The following PSG2 variants were observed in gnomAD, a reference collection of about 807,000 sequenced individuals.
The protein encoded by PSG2 is pregnancy specific beta-1-glycoprotein 2, also known as pregnancy-specific beta-1-glycoprotein 2.
A neutral mutation model predicts 36.2 loss-of-function variants in PSG2; 49 were observed. The ratio of observed to expected loss-of-function variants is 1.35; its 90% CI spans 1.08 to 1.72. PSG2 has a LOEUF of 1.72. Ranked by LOEUF, PSG2 falls within the 40% of genes most tolerant of loss-of-function variation. The pLI, the probability that PSG2 is intolerant of heterozygous loss-of-function variation, is 0.00. For synonymous variants in PSG2, 261 were observed against 155.6 expected, an observed-to-expected ratio of 1.68 and a Z score of -5.04; for missense variants, 605 against 407.2, an observed-to-expected ratio of 1.49 and a Z score of -4.18.
At chr19:43,073,434 C>G (rs4480914) in intron 3 of PSG2, among the ~76,000 whole-genome samples, 24 of 151,268 alleles carry the variant, frequency 1.6e-4, no homozygotes, top group Non-Finnish European at 3.1e-4. Context: ...GAAATACATG[C>G]GGACATTTGC....
intron 3 of PSG2, among the ~76,000 whole-genome samples, chr19:43,073,118 G>T (rs111720083): frequency 9.2e-5 from 14 of 151,926 alleles, no homozygotes; most frequent in South Asian, 6.2e-4. Context: ...ATACTGAGCA[G>T]CCTGGCCTGG....
chr19:43,068,304 T>G (rs1284653143), intron 4 of PSG2, among the ~76,000 whole-genome samples: 1 of 151,346 alleles, frequency 6.6e-6, no homozygotes, highest in Non-Finnish European at 1.5e-5. Context: ...CTGGGCATGT[T>G]GACATGCACC....
At chr19:43,066,369 G>A (rs1169236471) in intron 5 of PSG2, 148 bp downstream of exon 5, 3 of 653,228 alleles carry the variant, frequency 4.6e-6, no homozygotes, top group South Asian at 3.5e-5. Context: ...AGGGAGAAAG[G>A]GAACTGCAGG....
chr19:43,072,604 G>C, intron 3 of PSG2: 2 of 1,611,550 alleles, frequency 1.2e-6, no homozygotes. Context: ...AGTTGTTGAT[G>C]GTGATTTAGG....
chr19:43,069,709 G>C (rs533121516), intron 4 of PSG2, among the ~76,000 whole-genome samples: 1 of 151,674 alleles, frequency 6.6e-6, no homozygotes, highest in South Asian at 2.1e-4. Context: ...ACCCATAATA[G>C]ATCAAAGATC....
Position 43,077,312 on chromosome 19 carries a change from A to G in PSG2, c.431-1680T>C, listed in dbSNP as rs200206855. On this transcript the variant is annotated intron_variant, in intron 2 of 5. Coordinates refer to ENST00000406487, the MANE Select transcript of PSG2 (RefSeq NM_031246.4). ...TTAAAAGGACAGAACTGGTCAGTGC[A>G]TCAATTACATAAAGGGAGGAAGGAT... Among the ~76,000 whole-genome samples, 18 of 151,272 alleles carry G rather than the reference A, an allele frequency of 1.2e-4. 1 individual carries two copies. The highest frequency in any genetic ancestry group is 2.0e-4 in the African/African-American group (8 of 40,716).
intron 2 of PSG2, among the ~76,000 whole-genome samples, chr19:43,076,861 T>C (rs1255484947): frequency 1.3e-5 from 2 of 151,646 alleles, no homozygotes; most frequent in Non-Finnish European, 2.9e-5. Flanking sequence ...GTATATGTAC[T>C]GGTTTAGCAT....
chr19:43,072,896 G>C (rs1967839870), intron 3 of PSG2, among the ~76,000 whole-genome samples: 1 of 151,734 alleles, frequency 6.6e-6, no homozygotes, highest in Admixed American at 6.6e-5. Flanking sequence ...GTCAGTGGGA[G>C]TCACAGCCCC....
intron 1 of PSG2, chr19:43,082,124 T>TC (rs1967988226): frequency 4.9e-5 from 1 of 20,280 alleles, no homozygotes; most frequent in Non-Finnish European, 7.6e-5. Flanking sequence ...TCTTCTCTCT[T>TC]TTTTTTTTTT....
At chr19:43,070,337 T>A (rs1967798407) in intron 4 of PSG2, among the ~76,000 whole-genome samples, 1 of 151,656 alleles carries the variant, frequency 6.6e-6, no homozygotes, top group African/African-American at 2.4e-5. Context: ...ATCCAGCAAT[T>A]CCACTTCTGG....
chr19:43,077,022 T>C (rs1390975804), intron 2 of PSG2, among the ~76,000 whole-genome samples: 1 of 151,574 alleles, frequency 6.6e-6, no homozygotes, highest in African/African-American at 2.4e-5. Flanking sequence ...AATTTTCCCA[T>C]AAAAAGTTGT....
At chr19:43,066,307 G>A (rs1431194495) in intron 5 of PSG2, among the ~76,000 whole-genome samples, 2 of 151,832 alleles carry the variant, frequency 1.3e-5, no homozygotes, top group South Asian at 2.1e-4. Context: ...ATGAGCAGAG[G>A]CTGGAGATAA....
intron 3 of PSG2, among the ~76,000 whole-genome samples, chr19:43,073,987 CT>C (rs543395529): frequency 3.3e-5 from 5 of 151,384 alleles, no homozygotes; most frequent in Non-Finnish European, 5.9e-5. Flanking sequence ...TATTCTTGCC[CT>C]TTTTTTTCTC....
intron 3 of PSG2, among the ~76,000 whole-genome samples, chr19:43,073,310 A>G (rs1198379121): frequency 6.6e-6 from 1 of 151,762 alleles, no homozygotes; most frequent in East Asian, 1.9e-4. Context: ...AGAAAGAGTG[A>G]AGGGGATAGG....
chr19:43,080,769 G>C lies in PSG2; in HGVS notation c.430+112C>G. 14 of 1,594,068 alleles carry C rather than the reference G, an allele frequency of 8.8e-6. 1 individual carries two copies. Among genetic ancestry groups the C allele is most frequent in the Middle Eastern group, 1.7e-4 (1 of 6,012 alleles). On this transcript the variant is annotated intron_variant, in intron 2 of 5. Coordinates refer to ENST00000406487, the MANE Select transcript of PSG2 (RefSeq NM_031246.4). ...CACTAAATGCCCAAACCCCAGCATG[G>C]GACATAATGCAGAGAGGGACACAGG...
At chr19:43,067,584 G>C (rs533846826) in intron 4 of PSG2, among the ~76,000 whole-genome samples, 43 of 151,130 alleles carry the variant, frequency 2.8e-4, no homozygotes, top group Non-Finnish European at 5.4e-4. Flanking sequence ...TTCCATTTTG[G>C]CAATGAAAAG....
intron 2 of PSG2, among the ~76,000 whole-genome samples, chr19:43,077,081 T>A (rs1166887086): frequency 4.0e-5 from 6 of 151,586 alleles, no homozygotes; most frequent in Non-Finnish European, 8.8e-5. Context: ...ACAAAAAAAA[T>A]TTGGAGGAAA....
Position 43,082,663 on chromosome 19 carries a change from T to C in PSG2, c.-94A>G, listed in dbSNP as rs1967998807. On this transcript the variant is annotated 5_prime_UTR_variant, in exon 1 of 6. Coordinates refer to ENST00000406487, the MANE Select transcript of PSG2 (RefSeq NM_031246.4). ...CTGTCAGCTGTGCTGTCCTTCCTCC[T>C]TCTGCACTGAGCCTCTTCCTGGGGC... The C allele has an allele frequency of 6.5e-7, 1 of 1,548,768 alleles. No individual in the cohort carries two copies. Among genetic ancestry groups the C allele is most frequent in the African/African-American group, 1.4e-5 (1 of 72,248 alleles).
chr19:43,075,454 A>G lies in PSG2; in HGVS notation c.609T>C (p.Phe203=). 1 of 1,613,150 alleles carries G rather than the reference A, an allele frequency of 6.2e-7. No homozygotes were observed. Among genetic ancestry groups the G allele is most frequent in the Non-Finnish European group, 8.5e-7 (1 of 1,179,642 alleles). ...CAGTATACTTTGTGACACCAAATAGAAAGAGGGTCCTGTTGGTTTCGGACA... is the reference window on the plus strand; with the variant it reads ...CAGTATACTTTGTGACACCAAATAGGAAGAGGGTCCTGTTGGTTTCGGACA... ...FQLSETNRTL[F]LFGVTKYTAG... is the part of the protein sequence containing the mutation. Residue 203 remains phenylalanine, a synonymous_variant, in exon 3 of 6, where the codon TTT becomes TTC. Transcript: ENST00000406487.
Sources: gnomAD v4.1 joint callset for allele counts (sites outside exome capture counted in the v4.1 genomes callset) on GRCh38, gnomAD v4.1.1 for gene constraint, MANE v1.5 for transcripts, NCBI Gene and HGNC (gene_info 2026-07-23, HGNC 2026-07-21) for gene names.